Variants in IFT140 observed in about 807,000 individuals in gnomAD.
The protein encoded by IFT140 is intraflagellar transport protein 140 homolog.
Under a neutral mutation model 164.6 loss-of-function variants are expected in IFT140, and 133 were observed. That is an observed-to-expected ratio of 0.81 (90% confidence interval 0.70 to 0.93). The LOEUF is 0.93. Among genes scored for constraint, IFT140 ranks in the 40% least tolerant of loss-of-function variants. The probability of loss-of-function intolerance (pLI) is 0.00; values close to 1 mark genes in which losing one functional copy is unlikely to be tolerated. For missense variants in IFT140, 2,045 were observed against 1,972.3 expected (o/e 1.04, Z -0.70); for synonymous variants, 860 against 817.3 (o/e 1.05, Z -0.89).
In IFT140 at chr16:1,571,576, T is replaced by C. The variant is rs761339051; in HGVS notation, c.1525-42A>G. 32 of 1,584,672 alleles carry C rather than the reference T, an allele frequency of 2.0e-5. No individual in the cohort carries two copies. The South Asian group carries it at 2.8e-4, about 14-fold the overall frequency. ...AGAAATGGATATATTTCATGTTAGT[T>C]ACTGAACATTGTTCACAGATAACCT... On this transcript the variant is annotated intron_variant, in intron 13 of 30. Coordinates refer to ENST00000426508, the MANE Select transcript of IFT140 (RefSeq NM_014714.4).
Position 1,587,252 on chromosome 16 carries a change from A to C in IFT140, c.955T>G (p.Phe319Val). 1 of 1,613,318 alleles carries C rather than the reference A, an allele frequency of 6.2e-7. No homozygotes were observed. The highest frequency in any genetic ancestry group is 8.5e-7 in the Non-Finnish European group (1 of 1,179,344). Residue 319 changes from phenylalanine (F) to valine (V), a missense_variant, in exon 9 of 31, where the codon TTT becomes GTT. Transcript: ENST00000426508. ...ATATTCTCTCCTTTCTCAAAGCCAAACTTCTCATCTGGACTCAGTATATAA... is the reference window on the plus strand; with the variant it reads ...ATATTCTCTCCTTTCTCAAAGCCAACCTTCTCATCTGGACTCAGTATATAA... ...ENYILSPDEK[F>V]GFEKGENMNC... is the part of the protein sequence containing the mutation.
chr16:1,581,029 C>T (rs1332042568), intron 12 of IFT140, among the ~76,000 whole-genome samples, 179 bp from the exon 13 acceptor site: 1 of 152,206 alleles, frequency 6.6e-6, no homozygotes, highest in Non-Finnish European at 1.5e-5. Flanking sequence ...AGGGAACTGT[C>T]GTGGCCACGG....
intron 3 of IFT140, among the ~76,000 whole-genome samples, chr16:1,604,904 G>A (rs2035982172): frequency 3.9e-5 from 6 of 152,012 alleles, no homozygotes; most frequent in African/African-American, 9.7e-5. Flanking sequence ...GATGGGAGGT[G>A]CCCATCTCAG....
At chr16:1,587,857 C>T (rs2034970570) in intron 8 of IFT140, 76 bp downstream of exon 8, 1 of 1,160,564 alleles carries the variant, frequency 8.6e-7, no homozygotes, top group Non-Finnish European at 1.2e-6. Context: ...TGCTCCATTC[C>T]AACACAAAGC....
intron 9 of IFT140, 120 bp downstream of exon 9, chr16:1,587,078 G>A (rs1026771810): frequency 7.0e-6 from 5 of 711,458 alleles, no homozygotes; most frequent in Admixed American, 2.2e-5. Flanking sequence ...TTGAATGGCT[G>A]TGAGTTACCA....
rs538753092 is a variant in IFT140 at position 1,598,239 on chromosome 16, A to G, written c.369+4131T>C. On this transcript the variant is annotated intron_variant, in intron 4 of 30. Coordinates refer to ENST00000426508, the MANE Select transcript of IFT140 (RefSeq NM_014714.4). ...TGTGGGAGGCTGAGGCGGGCAGATC[A>G]CGAGGTCAGGAGATCAAGACCATCC... Among the ~76,000 whole-genome samples the G allele has an allele frequency of 5.1e-3, 776 of 152,332 alleles. 4 individuals carry two copies. The highest frequency in any genetic ancestry group is 8.7e-3 in the Non-Finnish European group (590 of 68,022).
intron 26 of IFT140, 150 bp downstream of exon 26, chr16:1,523,368 G>C (rs376781921): frequency 4.5e-5 from 33 of 732,624 alleles, no homozygotes; most frequent in Middle Eastern, 7.8e-4. Context: ...TGGGTGTGCC[G>C]TATGTGAAAC....
Position 1,587,948 on chromosome 16 carries a change from C to A in IFT140, c.887G>T (p.Gly296Val). 2 of 1,612,370 alleles carry A rather than the reference C, an allele frequency of 1.2e-6. No homozygotes were observed. Among genetic ancestry groups the A allele is most frequent in the Non-Finnish European group, 1.7e-6 (2 of 1,179,260 alleles). ...AGACTCTCACCTGAGGGCAGCCTCC[C>A]CGACGGCCATCACGAGAAGGCTGCC... Reference protein sequence around the residue: ...IEGSLLVMAVGEAALRFWDIE... With the variant: ...IEGSLLVMAVVEAALRFWDIE... The change falls in exon 8 of 31, where the codon GGG (glycine) becomes GTG (valine). Residue 296 changes from glycine to valine, a missense_variant. Transcript: ENST00000426508.
At chr16:1,536,096 C>T (rs1042017839) in intron 19 of IFT140, among the ~76,000 whole-genome samples, 1 of 152,216 alleles carries the variant, frequency 6.6e-6, no homozygotes, top group Non-Finnish European at 1.5e-5. Context: ...AGAGCACCCC[C>T]GGGGGAGGGA....
At chr16:1,534,039 G>C (rs907833537) in intron 19 of IFT140, 17 of 538,046 alleles carry the variant, frequency 3.2e-5, no homozygotes, top group Non-Finnish European at 5.4e-5. Flanking sequence ...CCCTGGGATG[G>C]GCCCCGAGGC....
At chr16:1,576,443 A>AT (rs2034280622) in intron 13 of IFT140, among the ~76,000 whole-genome samples, 1 of 146,290 alleles carries the variant, frequency 6.8e-6, no homozygotes, top group Non-Finnish European at 1.5e-5. Flanking sequence ...TACAAAAAAA[A>AT]TAGCTGGGCG....
chr16:1,526,371 C>T, intron 20 of IFT140: 3 of 415,128 alleles, frequency 7.2e-6, no homozygotes, highest in Non-Finnish European at 1.3e-5. Context: ...ACCTGGGGGT[C>T]TCTCGGGCGC....
rs148692432 is a variant in IFT140, at chr16:1,591,117, T to C, written c.634+1059A>G. On this transcript the variant is annotated intron_variant, in intron 6 of 30. Coordinates refer to ENST00000426508, the MANE Select transcript of IFT140 (RefSeq NM_014714.4). ...CAGCGATGAACTCACCCACAAAGCC[T>C]ACAGCTCCCGGACAACCGGCAGGAA... is the stretch of plus-strand genomic sequence containing the variant. Among the ~76,000 whole-genome samples the C allele has an allele frequency of 8.5e-4, 130 of 152,290 alleles. 3 individuals are homozygous for C. The East Asian group carries it at 0.024, about 28-fold the overall frequency.
At chr16:1,519,569 C>A (rs1487909369) in intron 29 of IFT140, among the ~76,000 whole-genome samples, 1 of 152,152 alleles carries the variant, frequency 6.6e-6, no homozygotes, top group Non-Finnish European at 1.5e-5. Context: ...CCCTGCCCGG[C>A]CCCTGCACAC....
At chr16:1,538,287 T>C (rs1167794134) in intron 19 of IFT140, among the ~76,000 whole-genome samples, 1 of 152,122 alleles carries the variant, frequency 6.6e-6, no homozygotes, top group Non-Finnish European at 1.5e-5. Flanking sequence ...CCATGGTGTG[T>C]GGCACAGGGC....
At chr16:1,538,263 G>A (rs1307521201) in intron 19 of IFT140, among the ~76,000 whole-genome samples, 1 of 152,190 alleles carries the variant, frequency 6.6e-6, no homozygotes, top group Non-Finnish European at 1.5e-5. Context: ...CACGGCTGCT[G>A]CACAGAGCCC....
In IFT140 at chr16:1,587,188, G is replaced by A. The variant is rs2034931004; in HGVS notation, c.1009+10C>T. 6.4e-7 allele frequency: 1 copy of A among 1,562,228 alleles called. No individual in the cohort carries two copies. The highest frequency in any genetic ancestry group is 8.8e-7 in the Non-Finnish European group (1 of 1,133,414). ...TTCTGTTTCTCTTGTGCCAGGCCAG[G>A]AAGCCTCACCTTTGACTTTACAGTA... On this transcript the variant is annotated intron_variant, in intron 9 of 30. Coordinates refer to ENST00000426508, the MANE Select transcript of IFT140 (RefSeq NM_014714.4).
At chr16:1,541,320 GA>G in intron 19 of IFT140, 1 of 985,446 alleles carries the variant, frequency 1.0e-6, no homozygotes, top group Non-Finnish European at 1.2e-6. Flanking sequence ...ACCCATGTCT[GA>G]CCCCTGCTCA....
chr16:1,578,324 G>C (rs1227945702), intron 13 of IFT140: 1 of 152,128 alleles, frequency 6.6e-6, no homozygotes, highest in African/African-American at 2.4e-5. Flanking sequence ...GCCGCCCCAG[G>C]CAATCAGACG....
Sources: allele counts gnomAD v4.1 joint callset (sites outside exome capture counted in the v4.1 genomes callset), GRCh38; gene constraint gnomAD v4.1.1; transcripts MANE v1.5; gene names NCBI Gene and HGNC (gene_info 2026-07-23, HGNC 2026-07-21).